BARD1: variants seen among roughly 807,000 people sequenced by gnomAD.
BARD1 encodes BRCA1-associated RING domain protein 1.
BARD1 carries 73 observed loss-of-function variants against 77.0 expected under a neutral mutation model. That is an observed-to-expected ratio of 0.95 (90% CI 0.79 to 1.15). The LOEUF (loss-of-function observed/expected upper bound fraction) is 1.15. BARD1 is among the 50% of genes most tolerant of loss of function. BARD1 has a pLI of 0.00. For missense variants in BARD1, 993 were observed against 938.8 expected, an observed-to-expected ratio of 1.06 and a Z score of -0.75; for synonymous variants, 384 against 338.0, an observed-to-expected ratio of 1.14 and a Z score of -1.49.
chr2:214,728,474 C>A lies in BARD1; in HGVS notation c.*202G>T. ...ACATGCCAATTTTAAAAAGAAAAAC[C>A]TTTAAAAGCAATCCCAGCTTCTAAA... On this transcript the variant is annotated 3_prime_UTR_variant, in exon 11 of 11. Transcript: ENST00000260947. 6 of 595,436 alleles carry A rather than the reference C, an allele frequency of 1.0e-5. No individual in the cohort carries two copies. Among genetic ancestry groups the A allele is most frequent in the South Asian group, 4.3e-5 (2 of 46,588 alleles). 36.9% of individuals were successfully genotyped at this position (595,436 alleles called of 1,614,324 possible). A position where few individuals can be genotyped will look rare whatever the true frequency, so the allele number is the denominator to read the frequency against.
rs1693064659 is a variant in BARD1 at position 214,745,586 on chromosome 2, G to C, written c.1810+136C>G. On this transcript the variant is annotated intron_variant, in intron 8 of 10. Transcript: ENST00000260947. ...TAGTTTATTACTGAAAAAAAATTTA[G>C]ATGTATTACAAGATGCAAAGTATAC... 4.2e-5 allele frequency: 45 copies of C among 1,081,634 alleles called. No homozygotes were observed. The South Asian group carries it at 6.0e-4, about 14-fold the overall frequency. 67.0% of individuals were successfully genotyped at this position (1,081,634 alleles called of 1,614,324 possible).
At chr2:214,766,578 G>A (rs7599060) in intron 6 of BARD1, among the ~76,000 whole-genome samples, 56,445 of 151,868 alleles carry the variant, frequency 0.37, 10,620 homozygotes, top group Middle Eastern at 0.44. Context: ...TGTCAGCACA[G>A]TTATCCCCAT....
chr2:214,753,875 T>C (rs1002327878), intron 6 of BARD1, among the ~76,000 whole-genome samples: 32 of 152,304 alleles, frequency 2.1e-4, no homozygotes, highest in African/African-American at 7.7e-4. Context: ...ACTGACAAGT[T>C]TGTATTCTGA....
chr2:214,752,415 T>C (rs753451610), intron 7 of BARD1, 32 bp downstream of exon 7: 3 of 1,548,052 alleles, frequency 1.9e-6, no homozygotes, highest in African/African-American at 1.4e-5. Flanking sequence ...TAATAAAATA[T>C]ATAAATGTCC....
rs557486841 is a variant in BARD1, at chr2:214,798,254, T to C, written c.159-1137A>G. On this transcript the variant is annotated intron_variant, in intron 1 of 10. Coordinates refer to ENST00000260947, the MANE Select transcript of BARD1 (RefSeq NM_000465.4). ...ACCCACAATGTTATTCTCAAGATAC[T>C]GAAAATGGTGCTCACTGACGTTACA... 5.9e-5 allele frequency among the ~76,000 whole-genome samples: 9 copies of C among 152,252 alleles called. 1 individual carries two copies. Among genetic ancestry groups the C allele is most frequent in the African/African-American group, 2.2e-4 (9 of 41,542 alleles).
intron 2 of BARD1, among the ~76,000 whole-genome samples, chr2:214,793,404 TTCAAAAAATG>T (rs1419606376): frequency 6.6e-6 from 1 of 152,186 alleles, no homozygotes. Context: ...GACCATCTAA[TTCAAAAAATG>T]TCACTGGGGT....
At chr2:214,782,401 T>C (rs1359524078) in intron 3 of BARD1, among the ~76,000 whole-genome samples, 1 of 152,080 alleles carries the variant, frequency 6.6e-6, no homozygotes. Flanking sequence ...TTCCAGAGTA[T>C]TGTTTTTGTT....
intron 3 of BARD1, among the ~76,000 whole-genome samples, chr2:214,785,001 T>C (rs1203167980): frequency 6.9e-6 from 1 of 144,078 alleles, no homozygotes; most frequent in African/African-American, 2.6e-5. Flanking sequence ...GTTCTGCACA[T>C]GTATCCCAGA....
At chr2:214,733,264 T>C (rs370206196) in intron 9 of BARD1, among the ~76,000 whole-genome samples, 4 of 152,220 alleles carry the variant, frequency 2.6e-5, no homozygotes, top group East Asian at 3.8e-4. Context: ...TTCAATTTTG[T>C]TTTGGATTTT....
In BARD1 at chr2:214,726,190, C is replaced by A. The variant is rs558834992; in HGVS notation, c.*2486G>T. The A allele has an allele frequency of 7.1e-5, 15 of 212,122 alleles. No individual in the cohort carries two copies. In the East Asian group the frequency reaches 1.1e-3, roughly 15 times the overall value. The allele number at this position is 212,122 out of a possible 1,614,324, so 13.1% of individuals were successfully genotyped here. ...TTCAATCATAATGCTAATATACTTC[C>A]CATCTGGTTTCTATTTTTCAGCAAG... On this transcript the variant is annotated 3_prime_UTR_variant, in exon 11 of 11. Coordinates refer to ENST00000260947, the MANE Select transcript of BARD1 (RefSeq NM_000465.4).
chr2:214,767,381 G>T (rs1694252143), intron 6 of BARD1, 101 bp downstream of exon 6: 1 of 1,159,956 alleles, frequency 8.6e-7, no homozygotes. Context: ...TGAAAGTGAA[G>T]AAAGCCATCA....
chr2:214,751,179 A>G (rs1159840489), intron 7 of BARD1, among the ~76,000 whole-genome samples: 3 of 16,494 alleles, frequency 1.8e-4, no homozygotes, highest in Non-Finnish European at 3.1e-4. Context: ...TTTTTTTTTG[A>G]GACAGTCTTG....
chr2:214,757,448 T>G (rs1693745764), intron 6 of BARD1, among the ~76,000 whole-genome samples: 1 of 152,158 alleles, frequency 6.6e-6, no homozygotes, highest in African/African-American at 2.4e-5. Context: ...TGTCATTGCT[T>G]TTTGCTATCT....
At chr2:214,793,404 T>C (rs911786527) in intron 2 of BARD1, among the ~76,000 whole-genome samples, 5 of 152,186 alleles carry the variant, frequency 3.3e-5, no homozygotes, top group African/African-American at 1.2e-4. Flanking sequence ...GACCATCTAA[T>C]TCAAAAAATG....
intron 4 of BARD1, among the ~76,000 whole-genome samples, chr2:214,776,802 C>T (rs746591851): frequency 6.6e-6 from 1 of 152,130 alleles, no homozygotes; most frequent in Non-Finnish European, 1.5e-5. Context: ...GATTATTCCG[C>T]ATTTCTCAAG....
rs1273211517 is a variant in BARD1, at chr2:214,735,318, G to C, written c.1904-4810C>G. On this transcript the variant is annotated intron_variant, in intron 9 of 10. Coordinates refer to ENST00000260947, the MANE Select transcript of BARD1 (RefSeq NM_000465.4). The stretch of plus-strand genomic sequence containing the variant: ...ACATGGCATCAACAGACTGTGAAAG[G>C]GCCACTTGTTTACAGCGTGAGAGCT... 2.0e-5 allele frequency among the ~76,000 whole-genome samples: 3 copies of C among 152,000 alleles called. No homozygotes were observed. The East Asian group carries it at 5.8e-4, about 29-fold the overall frequency.
At chr2:214,753,833 T>C (rs1022214452) in intron 6 of BARD1, among the ~76,000 whole-genome samples, 2 of 152,192 alleles carry the variant, frequency 1.3e-5, no homozygotes, top group African/African-American at 4.8e-5. Context: ...TCAGGTCCAA[T>C]TGCTTTCTTC....
intron 4 of BARD1, among the ~76,000 whole-genome samples, chr2:214,772,727 T>C (rs879505827): frequency 1.3e-5 from 2 of 152,204 alleles, no homozygotes; most frequent in African/African-American, 2.4e-5. Context: ...CTCTAGTACT[T>C]GAAAGTTTTG....
In BARD1 at chr2:214,727,245, G is replaced by A. The variant is rs1046475256; in HGVS notation, c.*1431C>T. On this transcript the variant is annotated 3_prime_UTR_variant, in exon 11 of 11. Transcript: ENST00000260947. ...GTCAAAGAAAGAATTAAAGCAAAAT[G>A]TGTTTTCAAATGATAAACAGAATCT... is the stretch of plus-strand genomic sequence containing the variant. 2 of 228,554 alleles carry A rather than the reference G, an allele frequency of 8.8e-6. No homozygotes were observed. Among genetic ancestry groups the A allele is most frequent in the Non-Finnish European group, 1.7e-5 (2 of 115,244 alleles). 14.2% of individuals were successfully genotyped at this position (228,554 alleles called of 1,614,324 possible).
Sources: gnomAD v4.1 joint callset for allele counts (sites outside exome capture counted in the v4.1 genomes callset) on GRCh38, gnomAD v4.1.1 for gene constraint, MANE v1.5 for transcripts, NCBI Gene and HGNC (gene_info 2026-07-23, HGNC 2026-07-21) for gene names.